PRELP: variants seen among roughly 807,000 people sequenced by gnomAD.
PRELP encodes proline and arginine rich end leucine rich repeat protein, also known as prolargin.
In PRELP, 16 loss-of-function variants were observed where a neutral mutation model predicts 22.8. That is an observed-to-expected ratio of 0.70 (90% CI 0.47 to 1.06). PRELP has a LOEUF of 1.06. Among genes scored for constraint, PRELP ranks in the 50% least tolerant of loss-of-function variants. The probability of loss-of-function intolerance (pLI) is 0.00; values close to 1 mark genes in which losing one functional copy is unlikely to be tolerated. For missense variants in PRELP, 434 were observed against 485.2 expected (o/e 0.89, Z 0.99); for synonymous variants, 233 against 211.4 (o/e 1.10, Z -0.89).
At chr1:203,484,523 G>T (rs1260987078) in intron 2 of PRELP, among the ~76,000 whole-genome samples, 1 of 152,248 alleles carries the variant, frequency 6.6e-6, no homozygotes, top group African/African-American at 2.4e-5. Flanking sequence ...AGGTAGGGTA[G>T]ACATGGAATA....
chr1:203,480,983 C>T (rs1420669473), intron 1 of PRELP, among the ~76,000 whole-genome samples: 1 of 150,962 alleles, frequency 6.6e-6, no homozygotes. Flanking sequence ...CAATGAAGAC[C>T]AGGGCTGCCC....
In PRELP at chr1:203,483,018, G is replaced by C. The variant is rs1045596380; in HGVS notation, c.-16-151G>C. On this transcript the variant is annotated intron_variant, in intron 1 of 2. Transcript: ENST00000343110. The surrounding 1 kb of genome is among the most constrained non-coding windows in gnomAD (Gnocchi z 4.4). Reference sequence around the variant, plus strand: ...GCCCTTGTTATTCCCTTACCTGCTGGGTACAGGCAAACAAGGAGATGCTTC... The same window carrying C: ...GCCCTTGTTATTCCCTTACCTGCTGCGTACAGGCAAACAAGGAGATGCTTC... Among the ~76,000 whole-genome samples, 5 of 152,262 alleles carry C rather than the reference G, an allele frequency of 3.3e-5. No homozygotes were observed. In the Middle Eastern group the frequency reaches 0.01, roughly 311 times the overall value.
chr1:203,478,153 AG>A (rs1164503606), intron 1 of PRELP, among the ~76,000 whole-genome samples: 2 of 152,256 alleles, frequency 1.3e-5, no homozygotes, highest in African/African-American at 4.8e-5. Flanking sequence ...ACAGAAAAGA[AG>A]GTGTTAGTAT....
At chr1:203,484,181 G>GGGGGGGGGGC in intron 2 of PRELP, 24 bp downstream of exon 2, 3 of 1,511,590 alleles carry the variant, frequency 2.0e-6, no homozygotes, top group Non-Finnish European at 2.7e-6. Context: ...GCCGGGGCGG[G>GGGGGGGGGGC]GCCGAAGGCA....
At chr1:203,478,016 G>C (rs1409938528) in intron 1 of PRELP, among the ~76,000 whole-genome samples, 1 of 152,224 alleles carries the variant, frequency 6.6e-6, no homozygotes, top group African/African-American at 2.4e-5. Flanking sequence ...CCTTCGAGCA[G>C]TGCATGGGGG....
intron 2 of PRELP, among the ~76,000 whole-genome samples, chr1:203,485,025 T>C (rs762627470): frequency 2.6e-5 from 4 of 152,148 alleles, no homozygotes; most frequent in Non-Finnish European, 5.9e-5. Flanking sequence ...CCTAGAATGA[T>C]ATTTGGGGAT....
Position 203,489,343 on chromosome 1 carries a change from G to A in PRELP, c.*2462G>A, listed in dbSNP as rs1226225074. On this transcript the variant is annotated 3_prime_UTR_variant, in exon 3 of 3. Coordinates refer to ENST00000343110, the MANE Select transcript of PRELP (RefSeq NM_002725.4). ...TGCTCTCTGCAGCTGTAAGCCAGAG[G>A]GGATTCAAGGTAAATAGGCTTTACA... 6.6e-6 allele frequency: 1 copy of A among 152,214 alleles called. No individual in the cohort carries two copies. The highest frequency in any genetic ancestry group is 6.5e-5 in the Admixed American group (1 of 15,280). The allele number at this position is 152,214 out of a possible 1,614,324, so 9.4% of individuals were successfully genotyped here. A position where few individuals can be genotyped will look rare whatever the true frequency, so the allele number is the denominator to read the frequency against.
rs541455636 is a variant in PRELP, at chr1:203,481,504, A to G, written c.-16-1665A>G. On this transcript the variant is annotated intron_variant, in intron 1 of 2. Transcript: ENST00000343110. Reference sequence around the variant, plus strand: ...TATCTCTGACAATGTTATATCCTTAACGGGAGATCAAGCCAAAAACCTAAC... The same window carrying G: ...TATCTCTGACAATGTTATATCCTTAGCGGGAGATCAAGCCAAAAACCTAAC... Among the ~76,000 whole-genome samples the G allele has an allele frequency of 2.6e-5, 4 of 152,298 alleles. No individual in the cohort carries two copies. The East Asian group carries it at 5.8e-4, about 22-fold the overall frequency.
chr1:203,483,884 A>G lies in PRELP; in HGVS notation c.700A>G (p.Arg234Gly). The change falls in exon 2 of 3, where the codon AGA becomes GGA. Residue 234 changes from arginine (R) to glycine (G), a missense_variant. Coordinates refer to ENST00000343110, the MANE Select transcript of PRELP (RefSeq NM_002725.4). The surrounding 1 kb of genome is among the most constrained non-coding windows in gnomAD (Gnocchi z 4.4). ...GCTCAACCTGGCCCACAACATCCTG[A>G]GAAAGATGCCGCCCAGGGTCCCCAC... ...MQLNLAHNILRKMPPRVPTAI... is the reference protein window; with the variant it reads ...MQLNLAHNILGKMPPRVPTAI... 6.2e-7 allele frequency: 1 copy of G among 1,614,216 alleles called. No homozygotes were observed. Among genetic ancestry groups the G allele is most frequent in the South Asian group, 1.1e-5 (1 of 91,086 alleles).
At position 203,479,192 on chromosome 1, in the gene PRELP, C is replaced by T. The variant is rs115743201; in HGVS notation, c.-17+3254C>T. On this transcript the variant is annotated intron_variant, in intron 1 of 2. Coordinates refer to ENST00000343110, the MANE Select transcript of PRELP (RefSeq NM_002725.4). ...GAGTGCGGCGTAACCCTGCTGCTAG[C>T]CCTGCCTAGCCCTGGGAGACAAACC... is the stretch of plus-strand genomic sequence containing the variant. Among the ~76,000 whole-genome samples the T allele has an allele frequency of 3.0e-3, 449 of 152,200 alleles. 3 individuals are homozygous for T. The highest frequency in any genetic ancestry group is 0.01 in the African/African-American group (422 of 41,512).
intron 2 of PRELP, among the ~76,000 whole-genome samples, 156 bp downstream of exon 2, chr1:203,484,313 A>C (rs1558232472): frequency 6.6e-6 from 1 of 152,258 alleles, no homozygotes; most frequent in Non-Finnish European, 1.5e-5. Context: ...TATCTGGGTG[A>C]CCTTGAAAAG....
Position 203,483,681 on chromosome 1 carries a change from C to T in PRELP, c.497C>T (p.Pro166Leu). The change falls in exon 2 of 3, where the codon CCC becomes CTC. Residue 166 changes from proline to leucine, a missense_variant. Transcript: ENST00000343110. The surrounding 1 kb of genome is among the most constrained non-coding windows in gnomAD (Gnocchi z 4.4). ...YMEKNQLEEVPSALPRNLEQL... is the reference protein window; with the variant it reads ...YMEKNQLEEVLSALPRNLEQL... ...GAGAAGAACCAGTTGGAAGAGGTCCCCTCGGCCCTGCCCCGGAACCTGGAG... is the reference window on the plus strand; with the variant it reads ...GAGAAGAACCAGTTGGAAGAGGTCCTCTCGGCCCTGCCCCGGAACCTGGAG... 3 of 1,614,214 alleles carry T rather than the reference C, an allele frequency of 1.9e-6. No homozygotes were observed. The highest frequency in any genetic ancestry group is 2.5e-6 in the Non-Finnish European group (3 of 1,180,042).
rs998338185 is a variant in PRELP, at chr1:203,487,388, G to T, written c.*507G>T. 1 of 153,162 alleles carries T rather than the reference G, an allele frequency of 6.5e-6. No individual in the cohort carries two copies. The highest frequency in any genetic ancestry group is 2.4e-5 in the African/African-American group (1 of 41,490). The allele number at this position is 153,162 out of a possible 1,614,324, so 9.5% of individuals were successfully genotyped here. ...GGCAAAGCTGCTGCTCCGCCGCTTG[G>T]TTCCCCGGCACCAGACATCGCCCTG... On this transcript the variant is annotated 3_prime_UTR_variant, in exon 3 of 3. Transcript: ENST00000343110.
rs940874301 is a variant in PRELP at position 203,490,574 on chromosome 1, A to G, written c.*3693A>G. 1 of 152,234 alleles carries G rather than the reference A, an allele frequency of 6.6e-6. No homozygotes were observed. The highest frequency in any genetic ancestry group is 1.5e-5 in the Non-Finnish European group (1 of 68,046). The allele number at this position is 152,234 out of a possible 1,614,324, so 9.4% of individuals were successfully genotyped here. On this transcript the variant is annotated 3_prime_UTR_variant, in exon 3 of 3. Coordinates refer to ENST00000343110, the MANE Select transcript of PRELP (RefSeq NM_002725.4). Reference sequence around the variant, plus strand: ...GATGTAGTGTGCATACAAAACAGTAAAAGAGCCATCTCAAGGACAGAGAGC... The same window carrying G: ...GATGTAGTGTGCATACAAAACAGTAGAAGAGCCATCTCAAGGACAGAGAGC...
Position 203,478,591 on chromosome 1 carries a change from G to T in PRELP, c.-17+2653G>T, listed in dbSNP as rs570358449. Among the ~76,000 whole-genome samples, 59 of 152,290 alleles carry T rather than the reference G, an allele frequency of 3.9e-4. No individual in the cohort carries two copies. In the South Asian group the frequency reaches 3.9e-3, roughly 10 times the overall value. The stretch of plus-strand genomic sequence containing the variant: ...CACTTGCTTCTGACAATTGGGTAAG[G>T]AATATAGGTATAGGGAAGATTTTTT... On this transcript the variant is annotated intron_variant, in intron 1 of 2. Transcript: ENST00000343110.
At chr1:203,478,421 C>A (rs1317555896) in intron 1 of PRELP, among the ~76,000 whole-genome samples, 1 of 152,226 alleles carries the variant, frequency 6.6e-6, no homozygotes, top group Non-Finnish European at 1.5e-5. Context: ...CTCTTCTAAA[C>A]TAGTGGCCTG....
chr1:203,483,385 A>C lies in PRELP; in HGVS notation c.201A>C (p.Pro67=). 4.3e-6 allele frequency: 7 copies of C among 1,613,938 alleles called. No individual in the cohort carries two copies. The highest frequency in any genetic ancestry group is 5.9e-6 in the Non-Finnish European group (7 of 1,179,962). Residue 67 remains proline (P), a synonymous_variant, in exon 2 of 3, where the codon CCA becomes CCC. Transcript: ENST00000343110. The surrounding 1 kb of genome is among the most constrained non-coding windows in gnomAD (Gnocchi z 4.4). ...DLPPPLPPGP[P]SIFPDCPREC... is the part of the protein sequence containing the mutation. ...CTCCTCCCCTCCCTCCAGGCCCTCC[A>C]TCTATCTTCCCTGACTGTCCCCGCG...
intron 1 of PRELP, among the ~76,000 whole-genome samples, chr1:203,476,840 A>AT (rs1325479540): frequency 1.5e-4 from 22 of 144,986 alleles, no homozygotes; most frequent in East Asian, 8.0e-4. Context: ...TCATTTTTTT[A>AT]TTTTTTTTTC....
At chr1:203,486,494 G>A (rs914789740) in intron 2 of PRELP, among the ~76,000 whole-genome samples, 4 of 152,320 alleles carry the variant, frequency 2.6e-5, no homozygotes, top group African/African-American at 9.6e-5. Flanking sequence ...TGCAATAACA[G>A]TTGTTGATCA....
Sources: allele counts gnomAD v4.1 joint callset (sites outside exome capture counted in the v4.1 genomes callset), GRCh38; gene constraint gnomAD v4.1.1; non-coding constraint Gnocchi (gnomAD v3.1); transcripts MANE v1.5; gene names NCBI Gene and HGNC (gene_info 2026-07-23, HGNC 2026-07-21).